Variants in PLEKHH2 observed in about 807,000 individuals in gnomAD.
PLEKHH2 encodes the protein pleckstrin homology, MyTH4 and FERM domain containing H2, also known as pleckstrin homology domain-containing family H member 2.
In PLEKHH2, 129 loss-of-function variants were observed where a neutral mutation model predicts 187.9. The observed-to-expected ratio is 0.69, with a 90% CI of 0.59 to 0.79. PLEKHH2 has a LOEUF of 0.79. Ranked by LOEUF, PLEKHH2 falls within the 30% of genes least tolerant of loss-of-function variation. The probability of loss-of-function intolerance (pLI) is 0.00; values close to 1 mark genes in which losing one functional copy is unlikely to be tolerated. For missense variants in PLEKHH2, 2,076 were observed against 1,751.2 expected (o/e 1.19, Z -3.31); for synonymous variants, 686 against 605.6 (o/e 1.13, Z -1.95).
chr2:43,721,550 G>A (rs1294104519), intron 16 of PLEKHH2, among the ~76,000 whole-genome samples: 1 of 152,162 alleles, frequency 6.6e-6, no homozygotes, highest in Non-Finnish European at 1.5e-5. Context: ...TATACTCAGT[G>A]TTGCTAATGG....
At chr2:43,672,106 G>A (rs923446333) in intron 2 of PLEKHH2, among the ~76,000 whole-genome samples, 2 of 152,110 alleles carry the variant, frequency 1.3e-5, no homozygotes, top group African/African-American at 4.8e-5. Flanking sequence ...TAGACATTGG[G>A]CTATTAAGCT....
chr2:43,720,354 C>T (rs975658905), intron 15 of PLEKHH2, among the ~76,000 whole-genome samples: 7 of 151,368 alleles, frequency 4.6e-5, no homozygotes, highest in African/African-American at 1.7e-4. Flanking sequence ...GTGAATATTG[C>T]ATGATGCTGA....
chr2:43,759,561 G>A (rs954932873), intron 27 of PLEKHH2, among the ~76,000 whole-genome samples: 5 of 152,194 alleles, frequency 3.3e-5, no homozygotes, highest in Non-Finnish European at 5.9e-5. Context: ...CCCAGGGATG[G>A]CCAGCCCTTT....
At chr2:43,675,910 A>G (rs1667740927) in intron 2 of PLEKHH2, 1 of 1,614,020 alleles carries the variant, frequency 6.2e-7, no homozygotes, top group Admixed American at 1.7e-5. Flanking sequence ...TGCAAGGAAG[A>G]ACCAGTTGTA....
intron 2 of PLEKHH2, among the ~76,000 whole-genome samples, chr2:43,646,224 A>G (rs1398555318): frequency 6.6e-6 from 1 of 152,166 alleles, no homozygotes; most frequent in Admixed American, 6.5e-5. Flanking sequence ...AAGTTGGAGA[A>G]GTTTTTTCTA....
chr2:43,698,495 G>A lies in PLEKHH2; in HGVS notation c.688+1139G>A, dbSNP rs574579711. On this transcript the variant is annotated intron_variant, in intron 7 of 29. Coordinates refer to ENST00000282406, the MANE Select transcript of PLEKHH2 (RefSeq NM_172069.4). ...GCTCCTGGGCTCAAGCAATCTGCCA[G>A]CCTTGGCCTCCCAAAAGTGCTGGAT... Among the ~76,000 whole-genome samples, 84 of 152,220 alleles carry A rather than the reference G, an allele frequency of 5.5e-4. 1 individual carries two copies. The South Asian group carries it at 0.013, about 24-fold the overall frequency.
chr2:43,729,803 C>T, intron 18 of PLEKHH2, 58 bp downstream of exon 18: 1 of 1,240,678 alleles, frequency 8.1e-7, no homozygotes, highest in South Asian at 1.6e-5. Flanking sequence ...CCTCAACCCG[C>T]TTAGCCTAAT....
Position 43,712,300 on chromosome 2 carries a change from C to G in PLEKHH2, c.2377C>G (p.Gln793Glu), listed in dbSNP as rs140514447. 5.6e-6 allele frequency: 9 copies of G among 1,613,672 alleles called. No homozygotes were observed. The highest frequency in any genetic ancestry group is 7.6e-6 in the Non-Finnish European group (9 of 1,179,624). The stretch of plus-strand genomic sequence containing the variant: ...ATTGGAAGAGTGGATTAAAGTGTTA[C>G]AGAATGTTCTTCGAGTACAAGCTGC... ...NILEEWIKVL[Q>E]NVLRVQAANP... The change falls in exon 15 of 30, where the codon CAG becomes GAG. Residue 793 changes from glutamine to glutamate, a missense_variant. Coordinates refer to ENST00000282406, the MANE Select transcript of PLEKHH2 (RefSeq NM_172069.4).
At chr2:43,728,067 G>A (rs1038616001) in intron 17 of PLEKHH2, among the ~76,000 whole-genome samples, 3 of 152,218 alleles carry the variant, frequency 2.0e-5, no homozygotes, top group Admixed American at 6.5e-5. Context: ...TATACCACTG[G>A]TGAGAATAGA....
At chr2:43,676,608 C>G (rs1251885791) in intron 2 of PLEKHH2, among the ~76,000 whole-genome samples, 1 of 152,052 alleles carries the variant, frequency 6.6e-6, no homozygotes, top group Non-Finnish European at 1.5e-5. Flanking sequence ...TCACAGACGG[C>G]TCTAAAGTGA....
intron 21 of PLEKHH2, among the ~76,000 whole-genome samples, chr2:43,742,135 G>T (rs1385891770): frequency 6.6e-6 from 1 of 151,816 alleles, no homozygotes; most frequent in African/African-American, 2.4e-5. Flanking sequence ...CAAGTAGCTG[G>T]GACTACAAGC....
At chr2:43,649,845 G>T (rs1666377549) in intron 2 of PLEKHH2, among the ~76,000 whole-genome samples, 1 of 152,092 alleles carries the variant, frequency 6.6e-6, no homozygotes, top group East Asian at 1.9e-4. Flanking sequence ...CACATCAGTG[G>T]GTGTGAAGGT....
chr2:43,735,666 T>A (rs1671257770), intron 19 of PLEKHH2, among the ~76,000 whole-genome samples: 1 of 152,212 alleles, frequency 6.6e-6, no homozygotes, highest in African/African-American at 2.4e-5. Flanking sequence ...GTTGCAGGCA[T>A]GTATCAAAAA....
intron 16 of PLEKHH2, 116 bp downstream of exon 16, chr2:43,720,865 A>C (rs187749833): frequency 7.2e-7 from 1 of 1,396,814 alleles, no homozygotes; most frequent in Admixed American, 2.8e-5. Context: ...ATGAGGTTGA[A>C]ATTTGGTATA....
chr2:43,665,863 A>G (rs944753544), intron 2 of PLEKHH2, among the ~76,000 whole-genome samples: 2 of 129,812 alleles, frequency 1.5e-5, no homozygotes, highest in Non-Finnish European at 3.2e-5. Context: ...TGGGAGAACC[A>G]CTGCTCTCTT....
Position 43,678,923 on chromosome 2 carries a change from C to A in PLEKHH2, c.184C>A (p.Gln62Lys). The A allele has an allele frequency of 6.2e-7, 1 of 1,605,758 alleles. No homozygotes were observed. Among genetic ancestry groups the A allele is most frequent in the Non-Finnish European group, 8.5e-7 (1 of 1,174,118 alleles). Residue 62 changes from glutamine (Q) to lysine (K), a missense_variant and splice_region_variant, in exon 3 of 30, where the codon CAG becomes AAG. Coordinates refer to ENST00000282406, the MANE Select transcript of PLEKHH2 (RefSeq NM_172069.4). ...AERQAEKAFQ[Q>K]VQVMEDKLKA... is the part of the protein sequence containing the mutation. ...ACGTCAAGCAGAAAAAGCTTTTCAA[C>A]AGGTAGAGTATAATTTTACTTTAAA...
chr2:43,675,878 T>A (rs770647954), intron 2 of PLEKHH2: 1 of 1,614,000 alleles, frequency 6.2e-7, no homozygotes, highest in African/African-American at 1.3e-5. Flanking sequence ...AAATTTTCAA[T>A]GACAGCAAAC....
At chr2:43,752,228 G>A (rs1351236480) in intron 24 of PLEKHH2, among the ~76,000 whole-genome samples, 1 of 152,050 alleles carries the variant, frequency 6.6e-6, no homozygotes, top group Non-Finnish European at 1.5e-5. Flanking sequence ...TGTTTCATAC[G>A]GCTTTGCTGA....
At chr2:43,652,987 T>C (rs937923567) in intron 2 of PLEKHH2, among the ~76,000 whole-genome samples, 2 of 152,012 alleles carry the variant, frequency 1.3e-5, no homozygotes, top group Admixed American at 6.5e-5. Context: ...GGTTGAAATA[T>C]AAACTAAGGG....
Sources: gnomAD v4.1 joint callset for allele counts (sites outside exome capture counted in the v4.1 genomes callset) on GRCh38, gnomAD v4.1.1 for gene constraint, MANE v1.5 for transcripts, NCBI Gene and HGNC (gene_info 2026-07-23, HGNC 2026-07-21) for gene names.